Variants in ENPP6 observed in about 807,000 individuals in gnomAD.
ENPP6 encodes ectonucleotide pyrophosphatase/phosphodiesterase 6.
ENPP6 carries 32 observed loss-of-function variants against 42.0 expected under a neutral mutation model. That is an observed-to-expected ratio of 0.76 (90% CI 0.58 to 1.02). The LOEUF (loss-of-function observed/expected upper bound fraction) is 1.02. ENPP6 is among the 50% of genes least tolerant of loss of function. The pLI is 0.00. For missense variants in ENPP6, 552 were observed against 566.8 expected (o/e 0.97, Z 0.27); for synonymous variants, 213 against 216.0 (o/e 0.99, Z 0.12).
intron 1 of ENPP6, among the ~76,000 whole-genome samples, chr4:184,156,252 C>T (rs534632114): frequency 5.3e-5 from 8 of 152,326 alleles, no homozygotes; most frequent in African/African-American, 1.9e-4. Context: ...CAGGAGGAGG[C>T]TGCTTCAGAT....
At chr4:184,130,971 G>A (rs892553666) in intron 2 of ENPP6, among the ~76,000 whole-genome samples, 2 of 152,108 alleles carry the variant, frequency 1.3e-5, no homozygotes, top group South Asian at 2.1e-4. Flanking sequence ...AGATAATGCC[G>A]ACAGAAACAT....
intron 6 of ENPP6, among the ~76,000 whole-genome samples, chr4:184,104,108 T>A (rs947728470): frequency 6.6e-6 from 1 of 151,864 alleles, no homozygotes; most frequent in African/African-American, 2.4e-5. Context: ...ATGGCCCTGG[T>A]CACCATCAGA....
intron 1 of ENPP6, among the ~76,000 whole-genome samples, chr4:184,173,664 T>A (rs1435606622): frequency 1.3e-5 from 2 of 152,208 alleles, no homozygotes; most frequent in Admixed American, 1.3e-4. Context: ...AGGGTCACTG[T>A]GGGAATCTTA....
intron 6 of ENPP6, among the ~76,000 whole-genome samples, chr4:184,107,730 A>C (rs1342374666): frequency 6.6e-6 from 1 of 152,194 alleles, no homozygotes; most frequent in Non-Finnish European, 1.5e-5. Flanking sequence ...CCTGGTTAAC[A>C]CAGTGAAACC....
Position 184,195,098 on chromosome 4 carries a change from A to T in ENPP6, c.241+22481T>A, listed in dbSNP as rs557204288. ...CCATTTTTAAAAATTTCTAATTTCT[A>T]ATTTTTTATTTATTTTTGTATATTG... On this transcript the variant is annotated intron_variant, in intron 1 of 7. Transcript: ENST00000296741. 9.2e-5 allele frequency among the ~76,000 whole-genome samples: 14 copies of T among 152,084 alleles called. No individual in the cohort carries two copies. In the East Asian group the frequency reaches 2.7e-3, roughly 29 times the overall value.
At chr4:184,187,932 T>G (rs1053135520) in intron 1 of ENPP6, among the ~76,000 whole-genome samples, 35 of 152,150 alleles carry the variant, frequency 2.3e-4, no homozygotes, top group Admixed American at 2.1e-3. Context: ...AATGAATGAA[T>G]GAAGAATAAA....
rs369099129 is a variant in ENPP6 at position 184,097,410 on chromosome 4, C to T, written c.994-42G>A. 1.2e-5 allele frequency: 19 copies of T among 1,609,028 alleles called. No individual in the cohort carries two copies. In the African/African-American group the frequency reaches 1.7e-4, roughly 15 times the overall value. ...CAGACACATGACACTACGTCCTGAC[C>T]GTGGCGCTGAGCGGGCATCTGCTCC... On this transcript the variant is annotated intron_variant, in intron 6 of 7. Transcript: ENST00000296741.
At chr4:184,138,188 C>G (rs1326777410) in intron 2 of ENPP6, among the ~76,000 whole-genome samples, 1 of 152,090 alleles carries the variant, frequency 6.6e-6, no homozygotes, top group Non-Finnish European at 1.5e-5. Flanking sequence ...TAGAATGAGA[C>G]AAGTTTAGAA....
chr4:184,133,381 A>G (rs1389729387), intron 2 of ENPP6, among the ~76,000 whole-genome samples: 1 of 152,246 alleles, frequency 6.6e-6, no homozygotes, highest in East Asian at 1.9e-4. Context: ...TCTTTCACGT[A>G]TTTGAATTTA....
intron 2 of ENPP6, among the ~76,000 whole-genome samples, chr4:184,142,545 G>A (rs1240854458): frequency 6.6e-6 from 1 of 152,236 alleles, no homozygotes; most frequent in Non-Finnish European, 1.5e-5. Context: ...GATGCAGGGA[G>A]GAAGAGGGTG....
chr4:184,162,547 AG>A (rs1306638609), intron 1 of ENPP6, among the ~76,000 whole-genome samples: 1 of 34,524 alleles, frequency 2.9e-5, no homozygotes, highest in African/African-American at 4.8e-5. Flanking sequence ...GAGGGAGGGA[AG>A]AAGGAAGGAA....
chr4:184,159,045 T>C (rs1033833418), intron 1 of ENPP6, among the ~76,000 whole-genome samples: 21 of 152,198 alleles, frequency 1.4e-4, no homozygotes, highest in Non-Finnish European at 2.1e-4. Context: ...CTATCTGTCG[T>C]GATGCTTGAA....
rs191050292 is a variant in ENPP6, at chr4:184,149,906, C to T, written c.421+3648G>A. On this transcript the variant is annotated intron_variant, in intron 2 of 7. Coordinates refer to ENST00000296741, the MANE Select transcript of ENPP6 (RefSeq NM_153343.4). ...TTCCCTCCTTCCTCCCATAGTTATT[C>T]TCTGCTTTGGGTTCTTTCCAATATG... 4.7e-4 allele frequency among the ~76,000 whole-genome samples: 71 copies of T among 152,288 alleles called. 2 individuals carry two copies. The highest frequency in any genetic ancestry group is 4.5e-3 in the Admixed American group (69 of 15,292).
chr4:184,097,099 A>T, intron 7 of ENPP6, 146 bp downstream of exon 7: 1 of 1,212,282 alleles, frequency 8.2e-7, no homozygotes, highest in Non-Finnish European at 1.1e-6. Context: ...AAGATGTTTC[A>T]TGGAGACCGG....
chr4:184,111,350 T>C (rs1441459229), intron 6 of ENPP6, among the ~76,000 whole-genome samples: 1 of 152,198 alleles, frequency 6.6e-6, no homozygotes, highest in Non-Finnish European at 1.5e-5. Flanking sequence ...CAGTAAGCCC[T>C]TTGGTGTGAT....
intron 2 of ENPP6, among the ~76,000 whole-genome samples, chr4:184,127,955 G>A (rs1736532798): frequency 6.6e-6 from 1 of 152,040 alleles, no homozygotes; most frequent in Non-Finnish European, 1.5e-5. Flanking sequence ...TTGATGAAGG[G>A]AAGGGATAGT....
At position 184,144,419 on chromosome 4, in the gene ENPP6, A is replaced by T. The variant is rs543608938; in HGVS notation, c.421+9135T>A. 2.2e-3 allele frequency among the ~76,000 whole-genome samples: 337 copies of T among 152,214 alleles called. 5 individuals are homozygous for T. The South Asian group carries it at 0.05, about 23-fold the overall frequency. On this transcript the variant is annotated intron_variant, in intron 2 of 7. Transcript: ENST00000296741. ...GCAGGGACCTCGCAGGCGGGACGGG[A>T]CAGACAGCCCCAAACGGCAGCCCCG...
At chr4:184,206,186 G>A (rs756996097) in intron 1 of ENPP6, among the ~76,000 whole-genome samples, 2 of 150,696 alleles carry the variant, frequency 1.3e-5, no homozygotes, top group Non-Finnish European at 3.0e-5. Flanking sequence ...CAGGGAGGCT[G>A]TCTCCACCCT....
At position 184,200,810 on chromosome 4, in the gene ENPP6, G is replaced by A. The variant is rs181295339; in HGVS notation, c.241+16769C>T. Among the ~76,000 whole-genome samples the A allele has an allele frequency of 8.5e-4, 129 of 152,334 alleles. No homozygotes were observed. In the Middle Eastern group the frequency reaches 0.01, roughly 12 times the overall value. The stretch of plus-strand genomic sequence containing the variant: ...GACCTGGCCTCCTGGCACACCTGGA[G>A]CCCACTCCTGGTCCCTAGCACTCAG... On this transcript the variant is annotated intron_variant, in intron 1 of 7. Transcript: ENST00000296741.
Sources: allele counts gnomAD v4.1 joint callset (sites outside exome capture counted in the v4.1 genomes callset), GRCh38; gene constraint gnomAD v4.1.1; transcripts MANE v1.5; gene names NCBI Gene and HGNC (gene_info 2026-07-23, HGNC 2026-07-21).